KCND2: variants seen among roughly 807,000 people sequenced by gnomAD.
KCND2 encodes potassium voltage-gated channel subfamily D member 2.
In KCND2, 16 loss-of-function variants were observed where a neutral mutation model predicts 54.4. The observed-to-expected ratio is 0.29, with a 90% CI of 0.20 to 0.45. KCND2 has a LOEUF of 0.45. KCND2 is among the 20% of genes least tolerant of loss of function. The pLI is 1.00. For missense variants in KCND2, 486 were observed against 824.2 expected, an observed-to-expected ratio of 0.59 and a Z score of 5.02; for synonymous variants, 317 against 310.7, an observed-to-expected ratio of 1.02 and a Z score of -0.21.
chr7:120,571,379 A>G (rs1270289732), intron 1 of KCND2, among the ~76,000 whole-genome samples: 1 of 152,208 alleles, frequency 6.6e-6, no homozygotes, highest in Non-Finnish European at 1.5e-5. Flanking sequence ...CTTGGCTCCA[A>G]TTTGATGCCC....
chr7:120,619,299 A>G (rs117873651), intron 1 of KCND2, among the ~76,000 whole-genome samples: 3,609 of 152,292 alleles, frequency 0.024, 113 homozygotes, highest in African/African-American at 0.075. Flanking sequence ...ACATGGTAGC[A>G]TGCATCTGTA....
At chr7:120,726,120 A>G (rs960024745) in intron 1 of KCND2, among the ~76,000 whole-genome samples, 2 of 151,980 alleles carry the variant, frequency 1.3e-5, no homozygotes, top group Non-Finnish European at 2.9e-5. Context: ...AACTACATAC[A>G]TTAGCTGATC....
chr7:120,690,338 T>C (rs1412449885), intron 1 of KCND2, among the ~76,000 whole-genome samples: 8 of 152,230 alleles, frequency 5.3e-5, no homozygotes, highest in Admixed American at 5.2e-4. Flanking sequence ...CTATTACTTT[T>C]TATGTAATAC....
intron 1 of KCND2, among the ~76,000 whole-genome samples, chr7:120,566,042 T>G (rs1792293100): frequency 6.6e-6 from 1 of 152,132 alleles, no homozygotes; most frequent in Non-Finnish European, 1.5e-5. Flanking sequence ...TTATCATAAA[T>G]AGAAACGACC....
At chr7:120,588,452 T>C (rs1166786412) in intron 1 of KCND2, among the ~76,000 whole-genome samples, 2 of 149,202 alleles carry the variant, frequency 1.3e-5, no homozygotes, top group Non-Finnish European at 3.0e-5. Flanking sequence ...TTTCCTTGAG[T>C]GGGTTGCTCA....
chr7:120,433,256 C>T (rs561539439), intron 1 of KCND2, among the ~76,000 whole-genome samples: 10 of 152,298 alleles, frequency 6.6e-5, no homozygotes, highest in African/African-American at 2.2e-4. Flanking sequence ...GAGGGTGCCA[C>T]GTCCCCTAGC....
intron 1 of KCND2, among the ~76,000 whole-genome samples, chr7:120,298,219 T>C (rs1799538440): frequency 6.6e-6 from 1 of 152,138 alleles, no homozygotes; most frequent in African/African-American, 2.4e-5. Flanking sequence ...AAAGAGTCTC[T>C]CTACACACGG....
chr7:120,352,157 C>T (rs555349822), intron 1 of KCND2, among the ~76,000 whole-genome samples: 1 of 151,938 alleles, frequency 6.6e-6, no homozygotes, highest in Non-Finnish European at 1.5e-5. Context: ...AGGATGGTCT[C>T]GATCTCTTGA....
At chr7:120,463,811 A>G (rs960367619) in intron 1 of KCND2, among the ~76,000 whole-genome samples, 2 of 152,118 alleles carry the variant, frequency 1.3e-5, no homozygotes, top group Non-Finnish European at 2.9e-5. Flanking sequence ...GCTTTCTACC[A>G]TAGAAGGGAA....
intron 1 of KCND2, among the ~76,000 whole-genome samples, chr7:120,615,526 TTGTCCTCC>T (rs1182645592): frequency 6.6e-6 from 1 of 152,190 alleles, no homozygotes; most frequent in Non-Finnish European, 1.5e-5. Context: ...AATATGCCCT[TTGTCCTCC>T]TGGAGGCTGA....
At chr7:120,579,665 T>C (rs1165063494) in intron 1 of KCND2, among the ~76,000 whole-genome samples, 1 of 150,614 alleles carries the variant, frequency 6.6e-6, no homozygotes, top group East Asian at 1.9e-4. Context: ...TAAATAAAAA[T>C]TAAATTGTCC....
At chr7:120,469,940 G>C (rs1802430184) in intron 1 of KCND2, among the ~76,000 whole-genome samples, 1 of 152,060 alleles carries the variant, frequency 6.6e-6, no homozygotes, top group Non-Finnish European at 1.5e-5. Flanking sequence ...TTAGTGTGTT[G>C]TTTCATTTTA....
intron 1 of KCND2, among the ~76,000 whole-genome samples, chr7:120,429,138 G>T (rs73433871): frequency 0.011 from 1,682 of 152,206 alleles, 34 homozygotes; most frequent in African/African-American, 0.038. Flanking sequence ...CAGACCTCTA[G>T]GGGGTCCCTA....
chr7:120,579,558 C>T (rs1040640722), intron 1 of KCND2, among the ~76,000 whole-genome samples: 3 of 149,642 alleles, frequency 2.0e-5, no homozygotes, highest in Admixed American at 6.7e-5. Flanking sequence ...GCCAAGATCG[C>T]GCCACTGCAT....
intron 1 of KCND2, among the ~76,000 whole-genome samples, chr7:120,717,831 T>C (rs2116092093): frequency 6.6e-6 from 1 of 152,204 alleles, no homozygotes; most frequent in East Asian, 1.9e-4. Context: ...CCTACCATCA[T>C]TTCTATTATT....
chr7:120,277,615 A>T (rs1799197416), intron 1 of KCND2, among the ~76,000 whole-genome samples: 1 of 152,038 alleles, frequency 6.6e-6, no homozygotes, highest in African/African-American at 2.4e-5. Flanking sequence ...AAGAATGTTG[A>T]TGAGAATTCT....
intron 1 of KCND2, among the ~76,000 whole-genome samples, chr7:120,510,298 T>C (rs1237718343): frequency 6.6e-6 from 1 of 152,110 alleles, no homozygotes; most frequent in Non-Finnish European, 1.5e-5. Flanking sequence ...ATTAGCTAAA[T>C]TGTAGAGAAG....
intron 1 of KCND2, among the ~76,000 whole-genome samples, chr7:120,415,273 C>T (rs1427648381): frequency 6.6e-6 from 1 of 151,880 alleles, no homozygotes; most frequent in Non-Finnish European, 1.5e-5. Context: ...CTGGCCTGAA[C>T]AAAAACAAAA....
chr7:120,682,708 C>T (rs920828882), intron 1 of KCND2, among the ~76,000 whole-genome samples: 3 of 152,128 alleles, frequency 2.0e-5, no homozygotes, highest in Non-Finnish European at 4.4e-5. Flanking sequence ...GTTGCTATTA[C>T]ACATTCGTTG....
Sources: allele counts gnomAD v4.1 joint callset (sites outside exome capture counted in the v4.1 genomes callset), GRCh38; gene constraint gnomAD v4.1.1; transcripts MANE v1.5; gene names NCBI Gene and HGNC (gene_info 2026-07-23, HGNC 2026-07-21).